IGF1R: variants seen among roughly 807,000 people sequenced by gnomAD.
IGF1R encodes insulin-like growth factor 1 receptor.
Under a neutral mutation model 144.6 loss-of-function variants are expected in IGF1R, and 44 were observed. The ratio of observed to expected loss-of-function variants is 0.30; its 90% CI spans 0.24 to 0.39. IGF1R has a LOEUF of 0.39. IGF1R is among the 10% of genes least tolerant of loss of function. The pLI is 1.00. For synonymous variants in IGF1R, 795 were observed against 722.8 expected, an observed-to-expected ratio of 1.10 and a Z score of -1.60; for missense variants, 1,355 against 1,833.7, an observed-to-expected ratio of 0.74 and a Z score of 4.77.
At chr15:98,683,493 G>A (rs904400152) in intron 1 of IGF1R, among the ~76,000 whole-genome samples, 1 of 152,214 alleles carries the variant, frequency 6.6e-6, no homozygotes, top group Non-Finnish European at 1.5e-5. Context: ...TTGCCCAGTT[G>A]TGTTACAACT....
intron 1 of IGF1R, among the ~76,000 whole-genome samples, chr15:98,652,783 G>GT (rs1006846547): frequency 1.1e-4 from 16 of 152,200 alleles, no homozygotes; most frequent in African/African-American, 3.9e-4. Flanking sequence ...GTGACTGCTG[G>GT]TGGGCACAGG....
chr15:98,852,684 C>G (rs763806654), intron 2 of IGF1R, among the ~76,000 whole-genome samples: 18 of 152,340 alleles, frequency 1.2e-4, no homozygotes, highest in Admixed American at 3.3e-4. Flanking sequence ...GCGGGCCGAG[C>G]GCAGAGTGCA....
chr15:98,923,360 G>C (rs1156650267), intron 11 of IGF1R, among the ~76,000 whole-genome samples: 2 of 152,364 alleles, frequency 1.3e-5, no homozygotes, highest in Admixed American at 6.5e-5. Flanking sequence ...GCCATCCTTC[G>C]TGCCTGCATA....
intron 2 of IGF1R, among the ~76,000 whole-genome samples, chr15:98,854,578 T>C (rs1316976381): frequency 6.6e-6 from 1 of 152,180 alleles, no homozygotes; most frequent in Non-Finnish European, 1.5e-5. Flanking sequence ...CATCACCTGC[T>C]CCTTTCTGGC....
chr15:98,907,925 A>G (rs1308859654), intron 5 of IGF1R, among the ~76,000 whole-genome samples: 1 of 152,192 alleles, frequency 6.6e-6, no homozygotes, highest in East Asian at 1.9e-4. Flanking sequence ...ACCACCTGGG[A>G]TTTGTGATAA....
At chr15:98,849,041 A>C (rs550989052) in intron 2 of IGF1R, among the ~76,000 whole-genome samples, 19 of 151,482 alleles carry the variant, frequency 1.3e-4, no homozygotes, top group Admixed American at 9.8e-4. Context: ...CAAATACAAC[A>C]GATTTTTTTC....
Position 98,891,626 on chromosome 15 carries a change from C to T in IGF1R, c.942C>T (p.Asn314=), listed in dbSNP as rs55954954. 3.4e-4 allele frequency: 537 copies of T among 1,600,968 alleles called. No homozygotes were observed. Among genetic ancestry groups the T allele is most frequent in the South Asian group, 5.9e-4 (54 of 91,076 alleles). The part of the protein sequence containing the change: ...MQECPSGFIR[N]GSQSMYCIPC... The stretch of plus-strand genomic sequence containing the variant: ...AGTGCCCCTCGGGCTTCATCCGCAA[C>T]GGCAGCCAGAGGTCAGTCGCGGCCA... Residue 314 remains asparagine, a synonymous_variant, in exon 3 of 21, where the codon AAC becomes AAT. Coordinates refer to ENST00000650285, the MANE Select transcript of IGF1R (RefSeq NM_000875.5). This position sits in a 1 kb window ranked among gnomAD's most constrained non-coding sequence, Gnocchi z 4.7.
At position 98,916,679 on chromosome 15, in the gene IGF1R, C is replaced by G. The variant is rs2151682493; in HGVS notation, c.2004C>G (p.Ile668Met). The G allele has an allele frequency of 1.2e-6, 2 of 1,613,920 alleles. No homozygotes were observed. Among genetic ancestry groups the G allele is most frequent in the Non-Finnish European group, 1.7e-6 (2 of 1,179,864 alleles). ...CTTTTCTTTTCCGAGAAGACAAAAT[C>G]CCCATCAGGAAGTATGCCGACGGCA... The part of the protein sequence containing the change: ...YRHNYCSKDK[I>M]PIRKYADGTI... The change falls in exon 10 of 21, where the codon ATC (isoleucine) becomes ATG (methionine). Residue 668 changes from isoleucine (I) to methionine (M), a missense_variant. By Grantham distance (10) the Ile-to-Met change is conservative. This residue lies in a region of IGF1R where 880 missense variants were observed against 1,202.7 expected (regional missense o/e 0.73). Transcript: ENST00000650285.
chr15:98,830,138 G>A (rs778870963), intron 2 of IGF1R, among the ~76,000 whole-genome samples: 1 of 152,190 alleles, frequency 6.6e-6, no homozygotes, highest in Non-Finnish European at 1.5e-5. Flanking sequence ...ATCAGCTTAA[G>A]CTTCACTGCC....
intron 1 of IGF1R, among the ~76,000 whole-genome samples, chr15:98,679,038 C>T (rs2053121420): frequency 6.6e-6 from 1 of 151,862 alleles, no homozygotes; most frequent in African/African-American, 2.4e-5. Context: ...CCTCCCACCT[C>T]AGCCTCTGGA....
At chr15:98,747,285 C>G (rs922471535) in intron 2 of IGF1R, among the ~76,000 whole-genome samples, 7 of 152,122 alleles carry the variant, frequency 4.6e-5, no homozygotes, top group African/African-American at 1.4e-4. Context: ...CAACCTCCAC[C>G]TCCCGGGTTC....
At chr15:98,904,867 T>C (rs1235706793) in intron 5 of IGF1R, among the ~76,000 whole-genome samples, 1 of 152,238 alleles carries the variant, frequency 6.6e-6, no homozygotes, top group Non-Finnish European at 1.5e-5. Flanking sequence ...TGAGACTTTG[T>C]TCCAGGGGAC....
At chr15:98,815,687 G>C (rs1016489249) in intron 2 of IGF1R, among the ~76,000 whole-genome samples, 2 of 152,282 alleles carry the variant, frequency 1.3e-5, no homozygotes, top group East Asian at 1.9e-4. Context: ...CCAAAGGAGA[G>C]TTTTGTGTGA....
chr15:98,706,606 C>T (rs1452244213), intron 1 of IGF1R, among the ~76,000 whole-genome samples: 2 of 151,524 alleles, frequency 1.3e-5, no homozygotes, highest in African/African-American at 4.8e-5. Flanking sequence ...AAAAAACAAC[C>T]CTCATGGTGT....
chr15:98,896,005 C>G (rs897271219), intron 3 of IGF1R, among the ~76,000 whole-genome samples: 4 of 151,760 alleles, frequency 2.6e-5, no homozygotes, highest in African/African-American at 9.7e-5. Context: ...GGTAGGTAAG[C>G]AGGAAAAGTG....
At chr15:98,955,836 C>CT (rs1295438521) in intron 20 of IGF1R, among the ~76,000 whole-genome samples, 2 of 152,230 alleles carry the variant, frequency 1.3e-5, no homozygotes, top group Non-Finnish European at 2.9e-5. Flanking sequence ...ACTGGGTGTG[C>CT]TTTGAGTTTC....
intron 2 of IGF1R, among the ~76,000 whole-genome samples, chr15:98,716,772 G>A (rs923341170): frequency 2.6e-5 from 3 of 113,756 alleles, no homozygotes; most frequent in Non-Finnish European, 1.8e-5. Context: ...TTCTGGGGCC[G>A]GTGGAAAGGG....
chr15:98,786,609 T>A (rs2141405988), intron 2 of IGF1R, among the ~76,000 whole-genome samples: 1 of 152,340 alleles, frequency 6.6e-6, no homozygotes, highest in East Asian at 1.9e-4. Flanking sequence ...CACAGGGGAT[T>A]TCTCTGTTGC....
chr15:98,876,754 C>T (rs1036191048), intron 2 of IGF1R, among the ~76,000 whole-genome samples: 2 of 152,072 alleles, frequency 1.3e-5, no homozygotes, highest in African/African-American at 4.8e-5. Context: ...TTCTTTGGTA[C>T]AGTTCCCCCA....
Sources: gnomAD v4.1 joint callset for allele counts (sites outside exome capture counted in the v4.1 genomes callset) on GRCh38, gnomAD v4.1.1 for gene constraint, gnomAD v4.1.1 regional missense constraint, Gnocchi (gnomAD v3.1) non-coding constraint, MANE v1.5 for transcripts, NCBI Gene and HGNC (gene_info 2026-07-23, HGNC 2026-07-21) for gene names.